DNAH9: variants seen among roughly 807,000 people sequenced by gnomAD.
DNAH9 encodes dynein axonemal heavy chain 9.
A neutral mutation model predicts 471.6 loss-of-function variants in DNAH9; 345 were observed. That is an observed-to-expected ratio of 0.73 (90% CI 0.67 to 0.80). The LOEUF is 0.80. DNAH9 is among the 30% of genes least tolerant of loss of function. The pLI is 0.00. For synonymous variants in DNAH9, 2,093 were observed against 2,123.6 expected (o/e 0.99, Z 0.40); for missense variants, 5,407 against 5,609.2 (o/e 0.96, Z 1.15).
chr17:11,651,006 C>G lies in DNAH9; in HGVS notation c.2098-63C>G, dbSNP rs982241936. 138 of 1,547,456 alleles carry G rather than the reference C, an allele frequency of 8.9e-5. 1 individual carries two copies. In the Admixed American group the frequency reaches 2.5e-3, roughly 28 times the overall value. On this transcript the variant is annotated intron_variant, in intron 12 of 68. Transcript: ENST00000262442. ...CCTCCTGGGATTGTCCAGTCTTTGA[C>G]CAATGCTGCAGATTATTCATTATCA...
chr17:11,697,755 A>C (rs2074501350), intron 22 of DNAH9, among the ~76,000 whole-genome samples: 1 of 152,024 alleles, frequency 6.6e-6, no homozygotes, highest in Non-Finnish European at 1.5e-5. Flanking sequence ...ATTTATCAGT[A>C]AGTTTCTCAA....
intron 12 of DNAH9, among the ~76,000 whole-genome samples, chr17:11,649,211 C>A (rs2073452874): frequency 6.6e-6 from 1 of 151,332 alleles, no homozygotes; most frequent in African/African-American, 2.4e-5. Context: ...CCTCTGGGGA[C>A]AGGATAAGAA....
chr17:11,825,648 G>A (rs1039630311), intron 48 of DNAH9, among the ~76,000 whole-genome samples: 3 of 152,148 alleles, frequency 2.0e-5, no homozygotes, highest in African/African-American at 7.2e-5. Flanking sequence ...CCCAAGTCCT[G>A]ATCTTGCCAG....
intron 59 of DNAH9, among the ~76,000 whole-genome samples, chr17:11,899,931 G>A (rs1973350516): frequency 6.6e-6 from 1 of 152,178 alleles, no homozygotes; most frequent in Non-Finnish European, 1.5e-5. Context: ...CCCGCAGGGA[G>A]CTCACAGTCT....
rs1974949142 is a variant in DNAH9 at position 11,942,338 on chromosome 17, G to A, written c.12696G>A (p.Val4232=). 1 of 1,614,200 alleles carries A rather than the reference G, an allele frequency of 6.2e-7. No homozygotes were observed. Among genetic ancestry groups the A allele is most frequent in the Non-Finnish European group, 8.5e-7 (1 of 1,180,012 alleles). The change falls in exon 67 of 69, where the codon GTG becomes GTA. Residue 4232 remains valine, a synonymous_variant. Transcript: ENST00000262442. ...TTCTGGAAGAAATATTGGAGCGGGT[G>A]ACAGACGAGTTTAACATCCCAGAAC... ...KALLEEILER[V]TDEFNIPELM... is the part of the protein sequence containing the mutation.
chr17:11,802,517 A>G (rs1324332003), intron 43 of DNAH9, among the ~76,000 whole-genome samples: 1 of 152,108 alleles, frequency 6.6e-6, no homozygotes, highest in East Asian at 1.9e-4. Context: ...CTGTAATCCC[A>G]GCTACTCAGG....
chr17:11,683,975 A>G (rs1402682659), intron 19 of DNAH9, among the ~76,000 whole-genome samples: 1 of 152,152 alleles, frequency 6.6e-6, no homozygotes, highest in South Asian at 2.1e-4. Context: ...GGTGTGTGTG[A>G]GTGTTCAAAA....
chr17:11,664,788 C>A (rs199764486), intron 14 of DNAH9, 45 bp from the exon 15 acceptor site: 2 of 1,536,648 alleles, frequency 1.3e-6, no homozygotes, highest in Non-Finnish European at 1.8e-6. Flanking sequence ...CCAGTTCTTT[C>A]ATGCTATTAA....
chr17:11,939,695 T>G (rs927541970), intron 66 of DNAH9, among the ~76,000 whole-genome samples: 4 of 152,218 alleles, frequency 2.6e-5, no homozygotes. Flanking sequence ...CATACACTCA[T>G]GAACTCTTGA....
intron 67 of DNAH9, among the ~76,000 whole-genome samples, chr17:11,943,540 G>A (rs531134758): frequency 5.9e-5 from 9 of 152,202 alleles, no homozygotes; most frequent in African/African-American, 2.2e-4. Context: ...AGCCAGGCGT[G>A]GCGGTGTGCA....
At chr17:11,624,296 G>A (rs1278332790) in intron 6 of DNAH9, among the ~76,000 whole-genome samples, 1 of 152,180 alleles carries the variant, frequency 6.6e-6, no homozygotes, top group Non-Finnish European at 1.5e-5. Context: ...ATCACCTGAG[G>A]TCAGGAGTTT....
chr17:11,629,857 C>A (rs1490307789), intron 7 of DNAH9, among the ~76,000 whole-genome samples: 4 of 152,156 alleles, frequency 2.6e-5, no homozygotes, highest in Non-Finnish European at 1.5e-5. Context: ...TTCAGAGATG[C>A]TGAGGTGGGT....
chr17:11,852,241 C>T (rs1971448433), intron 49 of DNAH9, among the ~76,000 whole-genome samples: 1 of 152,172 alleles, frequency 6.6e-6, no homozygotes, highest in Non-Finnish European at 1.5e-5. Flanking sequence ...GTTGTCCCCC[C>T]ACTGACAAAG....
At chr17:11,709,022 TTA>T (rs1373666454) in intron 26 of DNAH9, among the ~76,000 whole-genome samples, 1 of 152,178 alleles carries the variant, frequency 6.6e-6, no homozygotes, top group African/African-American at 2.4e-5. Context: ...ATATCAGACA[TTA>T]TCATTCCAAG....
At chr17:11,965,790 A>G (rs1976657269) in intron 68 of DNAH9, among the ~76,000 whole-genome samples, 1 of 152,202 alleles carries the variant, frequency 6.6e-6, no homozygotes, top group East Asian at 1.9e-4. Context: ...TTTTTAAAAA[A>G]ATAAAGTAGA....
chr17:11,730,401 A>AAGCTG (rs2075237648), intron 28 of DNAH9, among the ~76,000 whole-genome samples: 1 of 152,228 alleles, frequency 6.6e-6, no homozygotes. Flanking sequence ...GTAAGGATGT[A>AAGCTG]AGCTGAGTGT....
intron 38 of DNAH9, among the ~76,000 whole-genome samples, chr17:11,778,335 A>G (rs1456673033): frequency 1.0e-3 from 119 of 114,774 alleles, no homozygotes; most frequent in Middle Eastern, 7.7e-3. Context: ...ATCTCAAAAA[A>G]AAAAAAAAAA....
At chr17:11,883,235 T>C in intron 55 of DNAH9, 1 of 1,019,906 alleles carries the variant, frequency 9.8e-7, no homozygotes, top group Non-Finnish European at 1.2e-6. Context: ...TCCAGAGAAC[T>C]AAAACTGGAC....
At chr17:11,840,734 C>T (rs150919183) in intron 49 of DNAH9, among the ~76,000 whole-genome samples, 304 of 152,066 alleles carry the variant, frequency 2.0e-3, no homozygotes, top group South Asian at 9.0e-3. Flanking sequence ...GAAAAAAGGT[C>T]GGGAGAAGGA....
Sources: allele counts gnomAD v4.1 joint callset (sites outside exome capture counted in the v4.1 genomes callset), GRCh38; gene constraint gnomAD v4.1.1; transcripts MANE v1.5; gene names NCBI Gene and HGNC (gene_info 2026-07-23, HGNC 2026-07-21).